CYRIB: variants seen among roughly 807,000 people sequenced by gnomAD.
CYRIB encodes CYFIP related Rac1 interactor B.
Under a neutral mutation model 44.2 loss-of-function variants are expected in CYRIB, and 8 were observed. The ratio of observed to expected loss-of-function variants is 0.18; its 90% confidence interval spans 0.11 to 0.33. The LOEUF (loss-of-function observed/expected upper bound fraction) is 0.33, where lower values mean the gene tolerates loss of function less well. CYRIB is among the 10% of genes least tolerant of loss of function. The pLI is 1.00. For missense variants in CYRIB, 185 were observed against 382.8 expected, an observed-to-expected ratio of 0.48 and a Z score of 4.31; for synonymous variants, 131 against 127.2, an observed-to-expected ratio of 1.03 and a Z score of -0.20.
rs149202481 is a variant in CYRIB, at chr8:129,951,000, A to G, written c.-243+19943T>C. Among the ~76,000 whole-genome samples, 12 of 152,264 alleles carry G rather than the reference A, an allele frequency of 7.9e-5. No individual in the cohort carries two copies. In the East Asian group the frequency reaches 2.3e-3, roughly 29 times the overall value. On this transcript the variant is annotated intron_variant, in intron 2 of 14. Coordinates refer to the CYRIB transcript ENST00000401979. ...CTCTCAATGACTCCCATGTCTTCTCATGATTTAAAGTTACATAGTCCTGGC... is the reference window on the plus strand; with the variant it reads ...CTCTCAATGACTCCCATGTCTTCTCGTGATTTAAAGTTACATAGTCCTGGC...
intron 1 of CYRIB, among the ~76,000 whole-genome samples, chr8:129,985,699 C>A (rs571376357): frequency 6.6e-6 from 1 of 152,168 alleles, no homozygotes; most frequent in African/African-American, 2.4e-5. Flanking sequence ...GGTTGTCTGG[C>A]AGGACCTCAG....
chr8:129,878,162 A>G (rs571135719), intron 3 of CYRIB, among the ~76,000 whole-genome samples: 5 of 152,296 alleles, frequency 3.3e-5, no homozygotes, highest in Non-Finnish European at 7.4e-5. Context: ...CCTGAAACCC[A>G]ATTTCACATG....
upstream of CYRIB, among the ~76,000 whole-genome samples, chr8:129,943,299 A>G (rs905780030): frequency 2.0e-5 from 3 of 151,910 alleles, no homozygotes; most frequent in East Asian, 5.8e-4. Flanking sequence ...AAAGAATGGG[A>G]CCTTTGGCCA....
intron 1 of CYRIB, among the ~76,000 whole-genome samples, chr8:129,984,364 G>C (rs914429261): frequency 6.6e-6 from 1 of 152,024 alleles, no homozygotes; most frequent in African/African-American, 2.4e-5. Context: ...CCCACCCACT[G>C]AGCATCCAAG....
chr8:129,985,471 T>C (rs2096421149), intron 1 of CYRIB, among the ~76,000 whole-genome samples: 1 of 152,184 alleles, frequency 6.6e-6, no homozygotes. Context: ...CTTGGGTGCC[T>C]GGTCCACCCT....
intron 1 of CYRIB, among the ~76,000 whole-genome samples, chr8:129,910,854 A>G (rs2077626234): frequency 6.6e-6 from 1 of 152,186 alleles, no homozygotes; most frequent in African/African-American, 2.4e-5. Context: ...ATGCAGTTGT[A>G]CAATCATAGC....
At chr8:129,878,509 T>C (rs1292954188) in intron 3 of CYRIB, among the ~76,000 whole-genome samples, 1 of 152,204 alleles carries the variant, frequency 6.6e-6, no homozygotes, top group African/African-American at 2.4e-5. Flanking sequence ...CACTTAAAAA[T>C]ATAAGGGATC....
chr8:129,908,749 T>C (rs2076662475), intron 1 of CYRIB, among the ~76,000 whole-genome samples: 1 of 152,170 alleles, frequency 6.6e-6, no homozygotes, highest in Admixed American at 6.5e-5. Flanking sequence ...TCCTACACCA[T>C]GCTTACTACC....
At chr8:129,942,340 AAAT>A (rs1026053500), upstream of CYRIB, among the ~76,000 whole-genome samples, 9 of 152,154 alleles carry the variant, frequency 5.9e-5, no homozygotes, top group Non-Finnish European at 1.0e-4. Context: ...ACGTCTCAAA[AAAT>A]AATAATAATA....
chr8:129,853,358 C>T (rs1164933178), intron 7 of CYRIB, among the ~76,000 whole-genome samples: 4 of 152,186 alleles, frequency 2.6e-5, no homozygotes, highest in African/African-American at 9.6e-5. Context: ...ATGCAAATTA[C>T]AGATGTTTCA....
chr8:129,905,232 T>C (rs2074635271), intron 1 of CYRIB, among the ~76,000 whole-genome samples: 1 of 151,436 alleles, frequency 6.6e-6, no homozygotes, highest in Non-Finnish European at 1.5e-5. Flanking sequence ...GATTGATTGA[T>C]TTTGAGATGG....
upstream of CYRIB, among the ~76,000 whole-genome samples, chr8:129,943,434 AAG>A (rs1181427078): frequency 6.6e-6 from 1 of 151,542 alleles, no homozygotes; most frequent in Admixed American, 6.6e-5. Context: ...GAAAAAAAAA[AAG>A]AAAGAAATTA....
intron 4 of CYRIB, among the ~76,000 whole-genome samples, chr8:129,869,632 T>C (rs2056108450): frequency 6.6e-6 from 1 of 152,202 alleles, no homozygotes; most frequent in Non-Finnish European, 1.5e-5. Flanking sequence ...TTTAAATGTT[T>C]AGAGAACTTG....
intron 1 of CYRIB, among the ~76,000 whole-genome samples, chr8:129,935,987 C>A (rs547211621): frequency 1.3e-5 from 2 of 152,264 alleles, no homozygotes; most frequent in South Asian, 4.1e-4. Flanking sequence ...CATTTGCATT[C>A]TAATTACTTG....
intron 2 of CYRIB, among the ~76,000 whole-genome samples, chr8:129,893,833 T>C (rs74487023): frequency 3.5e-5 from 5 of 144,060 alleles, no homozygotes; most frequent in Non-Finnish European, 7.7e-5. Context: ...ACACTAGGCC[T>C]TTTTTTTTTT....
chr8:129,872,459 G>A (rs1028177694), intron 3 of CYRIB, among the ~76,000 whole-genome samples: 1 of 152,014 alleles, frequency 6.6e-6, no homozygotes, highest in Non-Finnish European at 1.5e-5. Context: ...CAGAAATCTT[G>A]CTTTTAATAA....
Position 129,895,478 on chromosome 8 carries a change from C to A in CYRIB, c.-11+7834G>T, listed in dbSNP as rs191598924. Among the ~76,000 whole-genome samples the A allele has an allele frequency of 7.0e-4, 103 of 147,080 alleles. 1 individual carries two copies. The highest frequency in any genetic ancestry group is 2.5e-3 in the African/African-American group (99 of 40,274). Reference sequence around the variant, plus strand: ...TTTAAATAATAATTCTTCAAAATTGCCTTATTCTTGCCCTTTTATTCACTC... The same window carrying A: ...TTTAAATAATAATTCTTCAAAATTGACTTATTCTTGCCCTTTTATTCACTC... On this transcript the variant is annotated intron_variant, in intron 2 of 11. Coordinates refer to ENST00000519824, the Ensembl canonical transcript of CYRIB.
intron 1 of CYRIB, among the ~76,000 whole-genome samples, chr8:130,004,167 A>G (rs569824100): frequency 7.9e-5 from 12 of 152,346 alleles, no homozygotes; most frequent in African/African-American, 2.9e-4. Flanking sequence ...AATCACACAT[A>G]CACAGGTAAC....
chr8:129,971,212 T>C (rs2095677281), intron 1 of CYRIB, among the ~76,000 whole-genome samples: 1 of 152,198 alleles, frequency 6.6e-6, no homozygotes, highest in Non-Finnish European at 1.5e-5. Context: ...CGATCTCGGC[T>C]CACTGCAACC....
Sources: gnomAD v4.1 joint callset for allele counts (sites outside exome capture counted in the v4.1 genomes callset) on GRCh38, gnomAD v4.1.1 for gene constraint, MANE v1.5 for transcripts, NCBI Gene and HGNC (gene_info 2026-07-23, HGNC 2026-07-21) for gene names.